Variants in GABRB1 observed in about 807,000 individuals in gnomAD.
GABRB1 encodes the protein gamma-aminobutyric acid receptor subunit beta-1.
A neutral mutation model predicts 51.6 loss-of-function variants in GABRB1; 17 were observed. The ratio of observed to expected loss-of-function variants is 0.33; its 90% CI spans 0.23 to 0.49. GABRB1 has a LOEUF of 0.49. Among genes scored for constraint, GABRB1 ranks in the 20% least tolerant of loss-of-function variants. GABRB1 has a pLI of 0.99. For synonymous variants in GABRB1, 247 were observed against 218.9 expected, an observed-to-expected ratio of 1.13 and a Z score of -1.14; for missense variants, 410 against 600.6, an observed-to-expected ratio of 0.68 and a Z score of 3.32.
intron 3 of GABRB1, among the ~76,000 whole-genome samples, chr4:47,101,171 C>T (rs1714704815): frequency 6.6e-6 from 1 of 152,018 alleles, no homozygotes; most frequent in Admixed American, 6.6e-5. Context: ...GAACTAGACT[C>T]CATGCCCAGT....
Position 47,031,774 on chromosome 4 carries a change from CTT to C in GABRB1, c.80+49_80+50del, listed in dbSNP as rs750157260. On this transcript the variant is annotated intron_variant, in intron 1 of 8. Transcript: ENST00000295454. ...AATCTCGCTCTCTCTCTCTCTCTCT[CTT>C]TTTTTCTTGGTATGTTTCTTTTTAC... 6 of 1,430,806 alleles carry C rather than the reference CTT, an allele frequency of 4.2e-6. No homozygotes were observed. In the African/African-American group the frequency reaches 4.2e-5, roughly 10 times the overall value. The allele number at this position is 1,430,806 out of a possible 1,614,324, so 88.6% of individuals were successfully genotyped here. A position where few individuals can be genotyped will look rare whatever the true frequency, so the allele number is the denominator to read the frequency against.
chr4:47,279,680 G>T (rs954284153), intron 4 of GABRB1, among the ~76,000 whole-genome samples: 1 of 151,790 alleles, frequency 6.6e-6, no homozygotes, highest in Non-Finnish European at 1.5e-5. Flanking sequence ...TTTTTTTACA[G>T]TTTTTTGTCT....
At chr4:47,284,418 T>A (rs1723428172) in intron 4 of GABRB1, among the ~76,000 whole-genome samples, 1 of 152,244 alleles carries the variant, frequency 6.6e-6, no homozygotes, top group South Asian at 2.1e-4. Context: ...AATTTAGTGA[T>A]GTTTTCGTCT....
intron 4 of GABRB1, among the ~76,000 whole-genome samples, chr4:47,296,950 G>A (rs1490487044): frequency 6.6e-6 from 1 of 152,144 alleles, no homozygotes; most frequent in African/African-American, 2.4e-5. Context: ...TCAGAATTAA[G>A]AAACTCACTC....
At chr4:47,107,305 G>A (rs954483647) in intron 3 of GABRB1, among the ~76,000 whole-genome samples, 3 of 151,926 alleles carry the variant, frequency 2.0e-5, no homozygotes, top group Non-Finnish European at 4.4e-5. Context: ...CGAGCCTCTG[G>A]GATCCTTGCT....
intron 4 of GABRB1, among the ~76,000 whole-genome samples, chr4:47,236,708 G>A (rs1578022751): frequency 6.6e-6 from 1 of 152,230 alleles, no homozygotes; most frequent in African/African-American, 2.4e-5. Context: ...CAGAAAGGGA[G>A]TAAGTTTATT....
chr4:47,185,857 A>G (rs1719155863), intron 4 of GABRB1, among the ~76,000 whole-genome samples: 1 of 151,876 alleles, frequency 6.6e-6, no homozygotes, highest in African/African-American at 2.4e-5. Flanking sequence ...TTGGCCTGCA[A>G]ATCCCAGCTC....
intron 3 of GABRB1, among the ~76,000 whole-genome samples, chr4:47,058,346 C>T (rs575322332): frequency 1.3e-5 from 2 of 152,256 alleles, no homozygotes; most frequent in East Asian, 3.9e-4. Context: ...GGAAATCATG[C>T]CTGATTAAAC....
chr4:47,102,644 A>C (rs570372487), intron 3 of GABRB1, among the ~76,000 whole-genome samples: 248 of 152,072 alleles, frequency 1.6e-3, no homozygotes, highest in African/African-American at 5.4e-3. Context: ...AGGGATGAGC[A>C]AGTCAATGTC....
At chr4:47,018,953 T>C (rs1353503584) in intron 1 of GABRB1, among the ~76,000 whole-genome samples, 2 of 152,210 alleles carry the variant, frequency 1.3e-5, no homozygotes, top group Non-Finnish European at 2.9e-5. Context: ...TTTGCTCTTA[T>C]CTTTACTGAC....
At chr4:47,210,562 G>A (rs1175296493) in intron 4 of GABRB1, among the ~76,000 whole-genome samples, 2 of 151,990 alleles carry the variant, frequency 1.3e-5, no homozygotes, top group East Asian at 3.9e-4. Flanking sequence ...GGGATACTAA[G>A]CACTATTAGA....
chr4:47,156,287 T>C (rs1717696041), intron 3 of GABRB1, among the ~76,000 whole-genome samples: 1 of 152,082 alleles, frequency 6.6e-6, no homozygotes, highest in Non-Finnish European at 1.5e-5. Context: ...TATCTCATTG[T>C]GGTTTTGATT....
At chr4:47,098,925 T>C (rs1040917737) in intron 3 of GABRB1, among the ~76,000 whole-genome samples, 2 of 152,104 alleles carry the variant, frequency 1.3e-5, no homozygotes, top group Non-Finnish European at 2.9e-5. Context: ...CTTTAGAAGA[T>C]CTTATTCCAT....
In GABRB1 at chr4:47,123,703, A is replaced by AT. The variant is rs1439126911; in HGVS notation, c.241-37545dup. 8.5e-3 allele frequency among the ~76,000 whole-genome samples: 181 copies of AT among 21,336 alleles called. 2 individuals are homozygous for AT. The highest frequency in any genetic ancestry group is 0.027 in the African/African-American group (150 of 5,476). The allele number at this position is 21,336 out of a possible 152,430, so 14.0% of individuals were successfully genotyped here. ...ATCATATATATGATATATTATATAT[A>AT]TAATATGATATATGATATATGATAT... is the stretch of plus-strand genomic sequence containing the variant. On this transcript the variant is annotated intron_variant, in intron 3 of 8. Coordinates refer to ENST00000295454, the MANE Select transcript of GABRB1 (RefSeq NM_000812.4).
intron 5 of GABRB1, among the ~76,000 whole-genome samples, chr4:47,340,381 A>G (rs973119528): frequency 3.3e-5 from 5 of 150,098 alleles, no homozygotes; most frequent in Non-Finnish European, 7.5e-5. Flanking sequence ...TTCCTCCACC[A>G]TGTTCCAAAT....
intron 4 of GABRB1, among the ~76,000 whole-genome samples, chr4:47,216,695 AT>A (rs1720567599): frequency 6.6e-6 from 1 of 151,938 alleles, no homozygotes; most frequent in African/African-American, 2.4e-5. Flanking sequence ...TCTATTTCAT[AT>A]CCATCTGATT....
Position 47,042,088 on chromosome 4 carries a change from C to T in GABRB1, c.240+9604C>T, listed in dbSNP as rs146165159. Among the ~76,000 whole-genome samples, 37 of 151,996 alleles carry T rather than the reference C, an allele frequency of 2.4e-4. 1 individual carries two copies. Among genetic ancestry groups the T allele is most frequent in the African/African-American group, 8.7e-4 (36 of 41,478 alleles). ...CCCCTACTATGTAAGCTTTAGGAAGCTTAGAATTATATTCTTCATATTCTC... is the reference window on the plus strand; with the variant it reads ...CCCCTACTATGTAAGCTTTAGGAAGTTTAGAATTATATTCTTCATATTCTC... On this transcript the variant is annotated intron_variant, in intron 3 of 8. Coordinates refer to ENST00000295454, the MANE Select transcript of GABRB1 (RefSeq NM_000812.4).
chr4:47,201,432 G>T (rs1001760701), intron 4 of GABRB1, among the ~76,000 whole-genome samples: 17 of 151,994 alleles, frequency 1.1e-4, no homozygotes, highest in Non-Finnish European at 2.1e-4. Flanking sequence ...TTTCCAAATT[G>T]AAAAAATTAC....
intron 5 of GABRB1, among the ~76,000 whole-genome samples, chr4:47,333,807 C>A (rs1430358368): frequency 1.3e-5 from 2 of 152,076 alleles, no homozygotes; most frequent in Admixed American, 6.6e-5. Flanking sequence ...AGAATAATTT[C>A]TGTGTGTTAA....
Sources: gnomAD v4.1 joint callset for allele counts (sites outside exome capture counted in the v4.1 genomes callset) on GRCh38, gnomAD v4.1.1 for gene constraint, MANE v1.5 for transcripts, NCBI Gene and HGNC (gene_info 2026-07-23, HGNC 2026-07-21) for gene names.